Variants in PTPRD observed in about 807,000 individuals in gnomAD.
The protein encoded by PTPRD is protein tyrosine phosphatase receptor type D, also known as receptor-type tyrosine-protein phosphatase delta.
In PTPRD, 34 loss-of-function variants were observed where a neutral mutation model predicts 214.5. The observed-to-expected ratio is 0.16, with a 90% CI of 0.12 to 0.21. The LOEUF is 0.21. PTPRD is among the 10% of genes least tolerant of loss of function. The pLI is 1.00. For synonymous variants in PTPRD, 1,128 were observed against 845.7 expected (o/e 1.33, Z -5.79); for missense variants, 2,545 against 2,398.7 (o/e 1.06, Z -1.27).
chr9:10,190,859 TA>T (rs2099361042), intron 3 of PTPRD, among the ~76,000 whole-genome samples: 1 of 151,348 alleles, frequency 6.6e-6, no homozygotes, highest in African/African-American at 2.4e-5. Context: ...ATACACAGGG[TA>T]TGGGGTTTAC....
At chr9:9,037,437 G>A (rs1269179652) in intron 10 of PTPRD, among the ~76,000 whole-genome samples, 1 of 152,110 alleles carries the variant, frequency 6.6e-6, no homozygotes, top group South Asian at 2.1e-4. Context: ...ACCTTCTCCA[G>A]GGTGAACTTT....
chr9:9,019,281 G>A (rs1481224972), intron 10 of PTPRD, among the ~76,000 whole-genome samples: 2 of 72,144 alleles, frequency 2.8e-5, no homozygotes, highest in African/African-American at 4.8e-5. Flanking sequence ...GAAAAAGAAA[G>A]AAGAAAGAAA....
intron 2 of PTPRD, among the ~76,000 whole-genome samples, chr9:10,354,894 G>C (rs982360660): frequency 1.3e-5 from 2 of 152,108 alleles, no homozygotes; most frequent in African/African-American, 4.8e-5. Context: ...TGTGCTCATG[G>C]TACTTTCCTC....
At chr9:8,392,920 C>A (rs1169853188) in intron 36 of PTPRD, among the ~76,000 whole-genome samples, 1 of 152,016 alleles carries the variant, frequency 6.6e-6, no homozygotes. Context: ...AAATATTAAC[C>A]CCAGATTGGA....
intron 2 of PTPRD, among the ~76,000 whole-genome samples, chr9:10,384,770 G>GAAA (rs34017691): frequency 6.7e-6 from 1 of 148,590 alleles, no homozygotes; most frequent in Non-Finnish European, 1.5e-5. Flanking sequence ...AAATTTGTCA[G>GAAA]AAAAAAAAAA....
chr9:9,440,517 A>G (rs1024623461), intron 8 of PTPRD, among the ~76,000 whole-genome samples: 2 of 152,240 alleles, frequency 1.3e-5, no homozygotes, highest in African/African-American at 4.8e-5. Context: ...ATTATTCAAT[A>G]CATATCTCTT....
At chr9:9,259,529 G>T (rs967778347) in intron 9 of PTPRD, among the ~76,000 whole-genome samples, 6 of 151,770 alleles carry the variant, frequency 4.0e-5, no homozygotes, top group African/African-American at 1.2e-4. Flanking sequence ...CAGTCACTCC[G>T]GCCTGAAATA....
intron 4 of PTPRD, among the ~76,000 whole-genome samples, chr9:9,972,945 T>C (rs2095195547): frequency 6.6e-6 from 1 of 152,124 alleles, no homozygotes; most frequent in Non-Finnish European, 1.5e-5. Context: ...CTTTGTAAGG[T>C]AGCATATTCA....
At chr9:10,591,030 T>A (rs1302310716) in intron 2 of PTPRD, among the ~76,000 whole-genome samples, 2 of 151,964 alleles carry the variant, frequency 1.3e-5, no homozygotes, top group Non-Finnish European at 2.9e-5. Context: ...AGGTCATACC[T>A]TGAGGGAAGG....
intron 9 of PTPRD, among the ~76,000 whole-genome samples, chr9:9,366,784 C>T (rs926866987): frequency 6.6e-6 from 1 of 151,266 alleles, no homozygotes; most frequent in Non-Finnish European, 1.5e-5. Context: ...AAAATAAGGT[C>T]CTCATTATTA....
At chr9:9,618,043 G>C (rs1366806060) in intron 7 of PTPRD, among the ~76,000 whole-genome samples, 2 of 105,798 alleles carry the variant, frequency 1.9e-5, no homozygotes, top group African/African-American at 7.1e-5. Context: ...CTGCACTCCA[G>C]CCTGGGCGAC....
At chr9:10,337,655 T>C (rs1041246517) in intron 3 of PTPRD, among the ~76,000 whole-genome samples, 3 of 151,776 alleles carry the variant, frequency 2.0e-5, no homozygotes, top group Admixed American at 6.6e-5. Flanking sequence ...TAAAACTCTT[T>C]TGTAATACTC....
chr9:10,418,553 A>C (rs1026334921), intron 2 of PTPRD, among the ~76,000 whole-genome samples: 3 of 151,216 alleles, frequency 2.0e-5, no homozygotes, highest in Non-Finnish European at 2.9e-5. Flanking sequence ...ACCATCTGGC[A>C]TACCTGTTAA....
intron 11 of PTPRD, chr9:8,860,409 G>C (rs530966361): frequency 1.3e-5 from 2 of 152,324 alleles, no homozygotes; most frequent in South Asian, 2.1e-4. Context: ...TGAAGTCCTA[G>C]ATGTTCTTGT....
intron 4 of PTPRD, among the ~76,000 whole-genome samples, chr9:9,958,847 G>A (rs2094147686): frequency 6.6e-6 from 1 of 152,234 alleles, no homozygotes; most frequent in East Asian, 1.9e-4. Flanking sequence ...TTAGAAGGGT[G>A]AAAACTAAAA....
chr9:8,400,180 G>A (rs1229305124), intron 36 of PTPRD, among the ~76,000 whole-genome samples: 1 of 152,146 alleles, frequency 6.6e-6, no homozygotes, highest in African/African-American at 2.4e-5. Context: ...CAGCAGTGAA[G>A]ATTAATTATA....
At chr9:10,330,230 T>C (rs941134142) in intron 3 of PTPRD, among the ~76,000 whole-genome samples, 3 of 151,836 alleles carry the variant, frequency 2.0e-5, no homozygotes, top group Non-Finnish European at 2.9e-5. Context: ...TAAATCCCAA[T>C]AGCTAATGAT....
intron 10 of PTPRD, among the ~76,000 whole-genome samples, chr9:9,019,648 G>A (rs1372792472): frequency 6.6e-6 from 1 of 152,188 alleles, no homozygotes; most frequent in Non-Finnish European, 1.5e-5. Flanking sequence ...GGAGGTTGCG[G>A]TGAGCCAAGG....
intron 3 of PTPRD, among the ~76,000 whole-genome samples, chr9:10,224,288 A>G (rs1285767479): frequency 1.3e-5 from 2 of 151,920 alleles, no homozygotes; most frequent in Admixed American, 6.6e-5. Context: ...AGTCAAATAA[A>G]GAGTTTATAA....
Sources: allele counts gnomAD v4.1 joint callset (sites outside exome capture counted in the v4.1 genomes callset), GRCh38; gene constraint gnomAD v4.1.1; transcripts MANE v1.5; gene names NCBI Gene and HGNC (gene_info 2026-07-23, HGNC 2026-07-21).